CSMD1: variants seen among roughly 807,000 people sequenced by gnomAD.
The protein encoded by CSMD1 is CUB and Sushi multiple domains 1, also known as CUB and sushi domain-containing protein 1.
Under a neutral mutation model 417.5 loss-of-function variants are expected in CSMD1, and 213 were observed. That is an observed-to-expected ratio of 0.51 (90% CI 0.46 to 0.57). CSMD1 has a LOEUF of 0.57. CSMD1 is among the 20% of genes least tolerant of loss of function. CSMD1 has a pLI of 0.00. For synonymous variants in CSMD1, 2,862 were observed against 1,736.8 expected (o/e 1.65, Z -16.11); for missense variants, 6,923 against 4,529.7 (o/e 1.53, Z -15.17).
intron 12 of CSMD1, among the ~76,000 whole-genome samples, chr8:3,438,754 A>T (rs1585165324): frequency 6.6e-6 from 1 of 152,180 alleles, no homozygotes; most frequent in East Asian, 1.9e-4. Context: ...AGAAGCCTTC[A>T]CTTCTCTGAG....
intron 1 of CSMD1, among the ~76,000 whole-genome samples, chr8:4,903,441 A>G (rs916073355): frequency 9.2e-5 from 14 of 152,108 alleles, no homozygotes; most frequent in African/African-American, 3.4e-4. Flanking sequence ...CTTGAGAATG[A>G]TACCGTGCTA....
intron 2 of CSMD1, among the ~76,000 whole-genome samples, chr8:4,436,145 A>T (rs35007706): frequency 0.15 from 23,076 of 152,160 alleles, 2,224 homozygotes; most frequent in Admixed American, 0.25. Context: ...AATAGAAGTC[A>T]TAGATATTGA....
rs547790315 is a variant in CSMD1 at position 4,489,095 on chromosome 8, A to G, written c.303-69030T>C. On this transcript the variant is annotated intron_variant, in intron 2 of 69. Coordinates refer to ENST00000635120, the MANE Select transcript of CSMD1 (RefSeq NM_033225.6). ...ACAGCTAATTTTTTGTATTTTTAGT[A>G]GAGACGGGGTTTCACCATGTCGGCC... 2.0e-5 allele frequency among the ~76,000 whole-genome samples: 3 copies of G among 152,236 alleles called. No individual in the cohort carries two copies. In the South Asian group the frequency reaches 6.2e-4, roughly 32 times the overall value.
intron 18 of CSMD1, among the ~76,000 whole-genome samples, chr8:3,385,961 T>G (rs936993021): frequency 6.6e-6 from 1 of 152,122 alleles, no homozygotes; most frequent in Non-Finnish European, 1.5e-5. Context: ...TGTCGTGAAA[T>G]AGAAGAGGAA....
At chr8:4,253,652 A>G (rs902771104) in intron 3 of CSMD1, among the ~76,000 whole-genome samples, 2 of 152,288 alleles carry the variant, frequency 1.3e-5, no homozygotes, top group Admixed American at 6.5e-5. Context: ...TACTTAATAG[A>G]CACACAATCG....
chr8:4,213,940 G>A (rs557254124), intron 3 of CSMD1, among the ~76,000 whole-genome samples: 46 of 152,308 alleles, frequency 3.0e-4, no homozygotes, highest in Middle Eastern at 3.4e-3. Context: ...ACTAGCATAC[G>A]ACTATGTAAC....
intron 5 of CSMD1, among the ~76,000 whole-genome samples, chr8:3,867,919 C>G (rs1476902758): frequency 6.6e-6 from 1 of 152,014 alleles, no homozygotes; most frequent in African/African-American, 2.4e-5. Context: ...CCGCCTCCTG[C>G]CTGGACACCC....
chr8:3,250,243 G>A (rs1237502005), intron 26 of CSMD1, among the ~76,000 whole-genome samples: 1 of 152,084 alleles, frequency 6.6e-6, no homozygotes, highest in Non-Finnish European at 1.5e-5. Flanking sequence ...AGTGTGTGAT[G>A]TTTCCCTTCC....
chr8:4,947,525 T>C (rs564288850), intron 1 of CSMD1, among the ~76,000 whole-genome samples: 27 of 152,250 alleles, frequency 1.8e-4, no homozygotes, highest in Non-Finnish European at 3.1e-4. Flanking sequence ...ATCCCACATG[T>C]GGTCAGAAAG....
At chr8:4,668,101 T>C (rs2447697) in intron 1 of CSMD1, among the ~76,000 whole-genome samples, 109,137 of 152,062 alleles carry the variant, frequency 0.72, 39,693 homozygotes, top group African/African-American at 0.83. Flanking sequence ...CTTGCACGTG[T>C]AGCTTTTAGC....
chr8:4,993,738 G>A lies in CSMD1; in HGVS notation c.85+594C>T, dbSNP rs185094301. The stretch of plus-strand genomic sequence containing the variant: ...GAAGTCCGGGGGAGAGGAAAGCGGG[G>A]GCGACCTTCTAGAGGCAGCTACTCC... On this transcript the variant is annotated intron_variant, in intron 1 of 69. Transcript: ENST00000635120. Among the ~76,000 whole-genome samples, 146 of 152,326 alleles carry A rather than the reference G, an allele frequency of 9.6e-4. 1 individual carries two copies. Among genetic ancestry groups the A allele is most frequent in the African/African-American group, 3.5e-3 (145 of 41,576 alleles).
At chr8:3,462,453 C>G (rs1816565333) in intron 12 of CSMD1, among the ~76,000 whole-genome samples, 1 of 152,118 alleles carries the variant, frequency 6.6e-6, no homozygotes, top group Non-Finnish European at 1.5e-5. Flanking sequence ...AGATCAGCAG[C>G]AACATTACAT....
At chr8:4,657,151 G>GA (rs1804281113) in intron 1 of CSMD1, among the ~76,000 whole-genome samples, 1 of 152,148 alleles carries the variant, frequency 6.6e-6, no homozygotes. Context: ...GGGAAACTCA[G>GA]AAACTCACAC....
At chr8:3,043,545 G>C (rs1313504500) in intron 50 of CSMD1, among the ~76,000 whole-genome samples, 1 of 152,126 alleles carries the variant, frequency 6.6e-6, no homozygotes, top group East Asian at 1.9e-4. Context: ...TCCTCATGGT[G>C]CCCAGCATAG....
chr8:3,411,711 TATATATACACGTAC>T (rs1460554261), intron 12 of CSMD1, among the ~76,000 whole-genome samples: 8 of 130,050 alleles, frequency 6.2e-5, no homozygotes, highest in South Asian at 2.5e-4. Flanking sequence ...TATATACACG[TATATATACACGTAC>T]ATATATACAC....
At chr8:3,250,302 T>A (rs1342548722) in intron 26 of CSMD1, among the ~76,000 whole-genome samples, 1 of 152,142 alleles carries the variant, frequency 6.6e-6, no homozygotes, top group African/African-American at 2.4e-5. Context: ...AGTGAGAACA[T>A]GTGGTGTTTG....
intron 69 of CSMD1, 23 bp downstream of exon 69, chr8:2,942,449 A>C (rs745443792): frequency 1.9e-6 from 3 of 1,603,372 alleles, no homozygotes; most frequent in Non-Finnish European, 8.5e-7. Context: ...AACATTCTCA[A>C]ACAGATGGTG....
At chr8:3,591,157 T>C (rs990925495) in intron 8 of CSMD1, among the ~76,000 whole-genome samples, 2 of 152,170 alleles carry the variant, frequency 1.3e-5, no homozygotes, top group Non-Finnish European at 2.9e-5. Flanking sequence ...ACCGATTTTG[T>C]GTAAGATCAA....
At chr8:4,544,895 G>C (rs1027022912) in intron 2 of CSMD1, among the ~76,000 whole-genome samples, 1 of 152,186 alleles carries the variant, frequency 6.6e-6, no homozygotes, top group African/African-American at 2.4e-5. Flanking sequence ...CATCACATTG[G>C]TCTTTAATGT....
Sources: gnomAD v4.1 joint callset for allele counts (sites outside exome capture counted in the v4.1 genomes callset) on GRCh38, gnomAD v4.1.1 for gene constraint, MANE v1.5 for transcripts, NCBI Gene and HGNC (gene_info 2026-07-23, HGNC 2026-07-21) for gene names.